NOTCH2NLB: variants seen among roughly 807,000 people sequenced by gnomAD.
NOTCH2NLB encodes notch 2 N-terminal like B.
A neutral mutation model predicts 14.8 loss-of-function variants in NOTCH2NLB; 1 was observed. The observed-to-expected ratio is 0.07, with a 90% CI of 0.02 to 0.32. The LOEUF (loss-of-function observed/expected upper bound fraction) is 0.32. Ranked by LOEUF, NOTCH2NLB falls within the 10% of genes least tolerant of loss-of-function variation. The pLI is 1.00. For missense variants in NOTCH2NLB, 11 were observed against 155.0 expected (o/e 0.07, Z 4.93); for synonymous variants, 6 against 57.5 (o/e 0.10, Z 4.05).
intron 1 of NOTCH2NLB, among the ~76,000 whole-genome samples, chr1:148,645,767 C>G (rs1309624942): frequency 6.6e-6 from 1 of 150,952 alleles, no homozygotes; most frequent in South Asian, 2.1e-4. Flanking sequence ...GGCCACCCCC[C>G]CACCCATCCT....
the NOTCH2NLB span, among the ~76,000 whole-genome samples, chr1:148,712,464 A>G: frequency 6.6e-6 from 1 of 152,294 alleles, no homozygotes; most frequent in African/African-American, 2.4e-5. Flanking sequence ...GGAATATGTG[A>G]TGAAACGTCC....
At chr1:148,680,992 C>G (rs1342924756), upstream of NOTCH2NLB, among the ~76,000 whole-genome samples, 1 of 152,138 alleles carries the variant, frequency 6.6e-6, no homozygotes, top group South Asian at 2.1e-4. Context: ...TGAGTTCTGT[C>G]TCTGTTAGCA....
the NOTCH2NLB span, among the ~76,000 whole-genome samples, chr1:148,712,527 C>T: frequency 6.6e-6 from 1 of 152,306 alleles, no homozygotes; most frequent in Non-Finnish European, 1.5e-5. Flanking sequence ...CCAGGGCACT[C>T]CTATACTGGA....
intron 2 of NOTCH2NLB, among the ~76,000 whole-genome samples, chr1:148,633,118 G>T (rs1164911155): frequency 7.9e-6 from 1 of 126,100 alleles, no homozygotes; most frequent in African/African-American, 3.5e-5. Flanking sequence ...GATCTGAAAA[G>T]TCCCCTTTTT....
chr1:148,605,445 C>T (rs1201124389), downstream of NOTCH2NLB, among the ~76,000 whole-genome samples: 310 of 144,732 alleles, frequency 2.1e-3, 39 homozygotes, highest in Non-Finnish European at 2.4e-3. Context: ...CCCACACACA[C>T]ACACACCATC....
intron 2 of NOTCH2NLB, among the ~76,000 whole-genome samples, chr1:148,637,840 G>A (rs1188669632): frequency 2.7e-5 from 4 of 146,256 alleles, no homozygotes; most frequent in Admixed American, 1.3e-4. Flanking sequence ...AGAACATGCC[G>A]TGTTTGGTTT....
rs1663871321 is a variant in NOTCH2NLB at position 148,621,413 on chromosome 1, G to C, written c.78-5463C>G. Among the ~76,000 whole-genome samples, 2 of 76,958 alleles carry C rather than the reference G, an allele frequency of 2.6e-5. 1 individual carries two copies. Among genetic ancestry groups the C allele is most frequent in the Admixed American group, 2.3e-4 (2 of 8,780 alleles). The allele number at this position is 76,958 out of a possible 152,430, so 50.5% of individuals were successfully genotyped here. ...TAATTCCATTTATATGAAATGTCCAGAATATGCAAATCCGTAGAGATAGAA... is the reference window on the plus strand; with the variant it reads ...TAATTCCATTTATATGAAATGTCCACAATATGCAAATCCGTAGAGATAGAA... On this transcript the variant is annotated intron_variant, in intron 2 of 4. Coordinates refer to ENST00000593495, the Ensembl canonical transcript of NOTCH2NLB.
intron 1 of NOTCH2NLB, among the ~76,000 whole-genome samples, chr1:148,651,162 AATATATAT>A (rs1218372509): frequency 1.7e-3 from 77 of 46,012 alleles, no homozygotes; most frequent in South Asian, 3.9e-3. Context: ...AAAAAAAAAA[AATATATAT>A]ATATATATAT....
chr1:148,679,622 C>T, exon 1 of NOTCH2NLB: 1 of 1,049,768 alleles, frequency 9.5e-7, no homozygotes, highest in Non-Finnish European at 1.2e-6. Flanking sequence ...CTCTCCTCCC[C>T]TCCTCCTGCT....
At chr1:148,602,259 C>CAAAAA (rs1173403342), downstream of NOTCH2NLB, among the ~76,000 whole-genome samples, 98 of 21,160 alleles carry the variant, frequency 4.6e-3, no homozygotes, top group Non-Finnish European at 5.4e-3. Flanking sequence ...TGCTCCGTCT[C>CAAAAA]AAAAAAAAAA....
chr1:148,651,251 A>T, intron 1 of NOTCH2NLB, among the ~76,000 whole-genome samples: 1 of 98,486 alleles, frequency 1.0e-5, no homozygotes, highest in Non-Finnish European at 2.1e-5. Context: ...CTTCAGACAT[A>T]CAACTATGTC....
chr1:148,608,852 T>G (rs1487711329), intron 3 of NOTCH2NLB, among the ~76,000 whole-genome samples: 1 of 143,122 alleles, frequency 7.0e-6, no homozygotes, highest in Non-Finnish European at 1.5e-5. Context: ...ACAGAGGTCT[T>G]GAAGGTATTC....
At position 148,610,369 on chromosome 1, in the gene NOTCH2NLB, GAAAGAGAA is replaced by G. The variant is rs1471031958; in HGVS notation, c.338-2632_338-2625del. The stretch of plus-strand genomic sequence containing the variant: ...AGAAAGAAAGAAAGAAAGAAAGAAA[GAAAGAGAA>G]AGAAAGAAAGAAAGAAAGGGAGAAA... On this transcript the variant is annotated intron_variant, in intron 3 of 4. Transcript: ENST00000593495. 4.2e-5 allele frequency among the ~76,000 whole-genome samples: 5 copies of G among 118,564 alleles called. No individual in the cohort carries two copies. The East Asian group carries it at 6.6e-4, about 16-fold the overall frequency. The allele number at this position is 118,564 out of a possible 152,430, so 77.8% of individuals were successfully genotyped here. A position where few individuals can be genotyped will look rare whatever the true frequency, so the allele number is the denominator to read the frequency against.
At chr1:148,660,705 TA>T (rs1191160461) in intron 1 of NOTCH2NLB, among the ~76,000 whole-genome samples, 1 of 112,684 alleles carries the variant, frequency 8.9e-6, no homozygotes, top group Non-Finnish European at 1.9e-5. Context: ...TAATTTATAT[TA>T]GAATGTGTCC....
Position 148,633,319 on chromosome 1 carries a change from C to T in NOTCH2NLB, c.77+6697G>A, listed in dbSNP as rs1359479840. Among the ~76,000 whole-genome samples, 112 of 117,026 alleles carry T rather than the reference C, an allele frequency of 9.6e-4. 1 individual carries two copies. Among genetic ancestry groups the T allele is most frequent in the Non-Finnish European group, 1.2e-3 (72 of 58,832 alleles). 76.8% of individuals were successfully genotyped at this position (117,026 alleles called of 152,430 possible). On this transcript the variant is annotated intron_variant, in intron 2 of 4. Coordinates refer to ENST00000593495, the Ensembl canonical transcript of NOTCH2NLB. ...CTGTAATCCCAGCACTTTGGGAGGC[C>T]GAGGCGGGCAGATCATGAGGTCAGG...
chr1:148,693,121 T>C, the NOTCH2NLB span, among the ~76,000 whole-genome samples: 3 of 116,862 alleles, frequency 2.6e-5, no homozygotes, highest in Admixed American at 9.6e-5. Context: ...TCTTCCTCTC[T>C]CTCTCTTCCT....
At chr1:148,624,017 A>G (rs1663941307) in intron 2 of NOTCH2NLB, among the ~76,000 whole-genome samples, 1 of 89,122 alleles carries the variant, frequency 1.1e-5, no homozygotes, top group Non-Finnish European at 2.0e-5. Flanking sequence ...CATGGGAAGA[A>G]AGGGGAGTAA....
At chr1:148,634,128 TTACTC>T (rs1218118224) in intron 2 of NOTCH2NLB, among the ~76,000 whole-genome samples, 17 of 115,588 alleles carry the variant, frequency 1.5e-4, no homozygotes, top group East Asian at 3.0e-4. Flanking sequence ...TAAGAAAAGA[TTACTC>T]TATGAGAGGT....
intron 1 of NOTCH2NLB, among the ~76,000 whole-genome samples, chr1:148,651,168 T>A (rs1183622268): frequency 5.8e-3 from 370 of 63,388 alleles, no homozygotes; most frequent in African/African-American, 0.016. Context: ...AAAAAATATA[T>A]ATATATATAT....
Sources: gnomAD v4.1 joint callset for allele counts (sites outside exome capture counted in the v4.1 genomes callset) on GRCh38, gnomAD v4.1.1 for gene constraint, MANE v1.5 for transcripts, NCBI Gene and HGNC (gene_info 2026-07-23, HGNC 2026-07-21) for gene names.